Variants in OR51B5 observed in about 807,000 individuals in gnomAD.
OR51B5 encodes the protein olfactory receptor family 51 subfamily B member 5.
For synonymous variants in OR51B5, 186 were observed against 144.8 expected (o/e 1.28, Z -2.04); for missense variants, 456 against 374.6 (o/e 1.22, Z -1.79).
chr11:5,437,935 T>C (rs1244310822), intron 1 of OR51B5, among the ~76,000 whole-genome samples: 1 of 152,156 alleles, frequency 6.6e-6, no homozygotes, highest in Non-Finnish European at 1.5e-5. Flanking sequence ...AAATAGAAGA[T>C]GTAATGTTCT....
At chr11:5,376,747 A>G (rs144646304) in intron 1 of OR51B5, among the ~76,000 whole-genome samples, 16,780 of 151,876 alleles carry the variant, frequency 0.11, 1,053 homozygotes, top group South Asian at 0.15. Flanking sequence ...ACACTATCCC[A>G]AGACTAAACC....
chr11:5,363,837 A>G (rs1453793204), intron 1 of OR51B5, among the ~76,000 whole-genome samples: 2 of 152,198 alleles, frequency 1.3e-5, no homozygotes, highest in East Asian at 1.9e-4. Flanking sequence ...GAAAGCAATT[A>G]CCATAGCAAT....
chr11:5,361,877 T>A (rs1161083295), intron 1 of OR51B5, among the ~76,000 whole-genome samples: 1 of 152,168 alleles, frequency 6.6e-6, no homozygotes, highest in Non-Finnish European at 1.5e-5. Flanking sequence ...ATAAACCAGC[T>A]TCCTCTTTGC....
At chr11:5,460,842 G>GTAGATGCTTT (rs1279189040) in intron 1 of OR51B5, among the ~76,000 whole-genome samples, 5 of 152,214 alleles carry the variant, frequency 3.3e-5, no homozygotes, top group South Asian at 2.1e-4. Context: ...CTTTCAAAGG[G>GTAGATGCTTT]CCAAGGTTCA....
In OR51B5 at chr11:5,409,315, G is replaced by C. The variant is rs545892608; in HGVS notation, n.85-62405C>G. ...TTCTCTGCAAGAGGAAAAGGATGAG[G>C]ATATGGGCTTTGCCCAGACAGAGGG... On this transcript the variant is annotated intron_variant and non_coding_transcript_variant, in intron 1 of 4. Transcript: ENST00000415970. 8.5e-5 allele frequency among the ~76,000 whole-genome samples: 13 copies of C among 152,212 alleles called. No homozygotes were observed. In the South Asian group the frequency reaches 2.1e-3, roughly 24 times the overall value.
At chr11:5,486,418 C>CG (rs1359574352) in intron 1 of OR51B5, among the ~76,000 whole-genome samples, 2 of 370 alleles carry the variant, frequency 5.4e-3, no homozygotes, top group African/African-American at 0.011. Context: ...ATGGTATGTG[C>CG]CGCTAAATAC....
upstream of OR51B5, chr11:5,346,735 ACTT>A (rs1479715109): frequency 2.2e-5 from 3 of 136,200 alleles, no homozygotes; most frequent in Non-Finnish European, 3.4e-5. Context: ...GAGATCCTTC[ACTT>A]CTTCTCCGTA....
upstream of OR51B5, among the ~76,000 whole-genome samples, chr11:5,344,823 C>A (rs1049021151): frequency 6.6e-6 from 1 of 152,020 alleles, no homozygotes; most frequent in African/African-American, 2.4e-5. Context: ...CAATTTTAAA[C>A]AAATATAAAT....
intron 1 of OR51B5, among the ~76,000 whole-genome samples, chr11:5,353,354 T>C (rs1394859171): frequency 2.0e-5 from 3 of 152,146 alleles, no homozygotes; most frequent in Non-Finnish European, 4.4e-5. Context: ...AACAGAGAGA[T>C]GCATTTTCAT....
chr11:5,360,345 C>T lies in OR51B5; in HGVS notation n.85-13435G>A, dbSNP rs9736126. Among the ~76,000 whole-genome samples the T allele has an allele frequency of 5.2e-3, 794 of 152,148 alleles. 7 individuals are homozygous for T. Among genetic ancestry groups the T allele is most frequent in the African/African-American group, 0.018 (745 of 41,480 alleles). On this transcript the variant is annotated intron_variant and non_coding_transcript_variant, in intron 1 of 4. Transcript: ENST00000415970. ...AGTGGGCAAAGGATATGAACAGACA[C>T]TTCTCAAAAGAAGACATTTATGCAG...
intron 1 of OR51B5, among the ~76,000 whole-genome samples, chr11:5,446,159 T>C (rs908320690): frequency 1.3e-5 from 2 of 152,030 alleles, no homozygotes; most frequent in African/African-American, 4.8e-5. Context: ...ATGTAAATGA[T>C]GAGTTAATGG....
intron 1 of OR51B5, chr11:5,403,168 G>C: frequency 2.2e-6 from 1 of 462,394 alleles, no homozygotes; most frequent in Non-Finnish European, 4.4e-6. Context: ...TATCTATCTT[G>C]TGGGAACATT....
chr11:5,474,098 A>G (rs930983840), intron 1 of OR51B5, among the ~76,000 whole-genome samples: 5 of 152,178 alleles, frequency 3.3e-5, no homozygotes, highest in Admixed American at 2.0e-4. Flanking sequence ...GCCATGGAAA[A>G]TAATTACTAT....
chr11:5,344,914 G>C (rs1038232962), upstream of OR51B5, among the ~76,000 whole-genome samples: 1 of 152,056 alleles, frequency 6.6e-6, no homozygotes, highest in Admixed American at 6.5e-5. Flanking sequence ...CAGTTTGAGG[G>C]GCCTAGAACT....
At chr11:5,441,069 C>G (rs1322176192) in intron 1 of OR51B5, 1 of 1,613,930 alleles carries the variant, frequency 6.2e-7, no homozygotes, top group East Asian at 2.2e-5. Context: ...GGTAAGGATG[C>G]CCAGACCCAT....
chr11:5,341,973 T>C (rs1156679492), downstream of OR51B5, among the ~76,000 whole-genome samples: 1 of 152,212 alleles, frequency 6.6e-6, no homozygotes, highest in East Asian at 1.9e-4. Flanking sequence ...GGAATAAATA[T>C]GAGTTTATGG....
intron 1 of OR51B5, among the ~76,000 whole-genome samples, chr11:5,423,892 A>C (rs1044269873): frequency 2.0e-5 from 3 of 152,038 alleles, no homozygotes; most frequent in Non-Finnish European, 2.9e-5. Context: ...TGGGAAGAAA[A>C]ACTCATTTTT....
intron 1 of OR51B5, among the ~76,000 whole-genome samples, chr11:5,464,711 A>G (rs535101924): frequency 6.6e-6 from 1 of 152,178 alleles, no homozygotes; most frequent in South Asian, 2.1e-4. Flanking sequence ...GTTGGTTCCA[A>G]GTCTTTGCTA....
intron 1 of OR51B5, among the ~76,000 whole-genome samples, chr11:5,464,907 T>A (rs1195637882): frequency 6.6e-6 from 1 of 152,114 alleles, no homozygotes. Context: ...CCACCAACAG[T>A]GTAAAAGTGT....
Sources: allele counts gnomAD v4.1 joint callset (sites outside exome capture counted in the v4.1 genomes callset), GRCh38; gene constraint gnomAD v4.1.1; transcripts MANE v1.5; gene names NCBI Gene and HGNC (gene_info 2026-07-23, HGNC 2026-07-21).